The following DCC variants were observed in gnomAD, a reference collection of about 807,000 sequenced individuals.
DCC encodes the protein DCC netrin 1 receptor, also known as netrin receptor DCC.
DCC carries 58 observed loss-of-function variants against 172.5 expected under a neutral mutation model. That is an observed-to-expected ratio of 0.34 (90% CI 0.27 to 0.42). The LOEUF is 0.42. DCC is among the 10% of genes least tolerant of loss of function. DCC has a pLI of 1.00. For missense variants in DCC, 1,740 were observed against 1,791.0 expected (o/e 0.97, Z 0.51); for synonymous variants, 709 against 644.5 (o/e 1.10, Z -1.52).
In DCC at chr18:53,307,826, T is replaced by C. The variant is rs916682783; in HGVS notation, c.2053+2107T>C. ...CCCATTCTGGAAAGCATATGAGAAA[T>C]GTAAACTCTCATATACTGCTTGTGG... On this transcript the variant is annotated intron_variant, in intron 13 of 28. Coordinates refer to ENST00000442544, the MANE Select transcript of DCC (RefSeq NM_005215.4). Among the ~76,000 whole-genome samples, 140 of 146,718 alleles carry C rather than the reference T, an allele frequency of 9.5e-4. 1 individual carries two copies. Among genetic ancestry groups the C allele is most frequent in the African/African-American group, 3.0e-3 (122 of 40,264 alleles).
rs948681500 is a variant in DCC, at chr18:52,452,436, C to T, written c.91+111558C>T. The stretch of plus-strand genomic sequence containing the variant: ...ATCCTATGTTACTCACCCATAAGCA[C>T]ATTTCCATTATCGTCCTTGATATTC... On this transcript the variant is annotated intron_variant, in intron 1 of 28. Coordinates refer to ENST00000442544, the MANE Select transcript of DCC (RefSeq NM_005215.4). Among the ~76,000 whole-genome samples, 6 of 152,216 alleles carry T rather than the reference C, an allele frequency of 3.9e-5. No individual in the cohort carries two copies. In the South Asian group the frequency reaches 1.2e-3, roughly 31 times the overall value.
intron 1 of DCC, among the ~76,000 whole-genome samples, chr18:52,601,997 A>T (rs775626260): frequency 6.6e-6 from 1 of 152,026 alleles, no homozygotes; most frequent in African/African-American, 2.4e-5. Flanking sequence ...CTGACTTGGG[A>T]TCAGTAATCA....
chr18:52,612,856 G>C (rs1358058922), intron 1 of DCC, among the ~76,000 whole-genome samples: 1 of 152,166 alleles, frequency 6.6e-6, no homozygotes, highest in Non-Finnish European at 1.5e-5. Flanking sequence ...TGGTTGACCA[G>C]CTGATGACTG....
intron 17 of DCC, among the ~76,000 whole-genome samples, chr18:53,392,421 A>G (rs1167183503): frequency 1.3e-5 from 2 of 152,038 alleles, no homozygotes; most frequent in Non-Finnish European, 2.9e-5. Flanking sequence ...AAAACTCACA[A>G]TCCACACTCC....
intron 1 of DCC, among the ~76,000 whole-genome samples, chr18:52,428,230 C>A (rs895402001): frequency 3.0e-4 from 45 of 152,136 alleles, no homozygotes; most frequent in Admixed American, 2.9e-3. Context: ...TCATTGCTGT[C>A]CTGCTTAATG....
At chr18:53,437,318 C>T (rs552342849) in intron 22 of DCC, among the ~76,000 whole-genome samples, 1 of 152,244 alleles carries the variant, frequency 6.6e-6, no homozygotes, top group Non-Finnish European at 1.5e-5. Flanking sequence ...TGGTGGCTCA[C>T]GCCTGTAATC....
At chr18:52,376,962 TTC>T (rs1415593762) in intron 1 of DCC, among the ~76,000 whole-genome samples, 1 of 152,180 alleles carries the variant, frequency 6.6e-6, no homozygotes, top group South Asian at 2.1e-4. Flanking sequence ...AGGTCAGACC[TTC>T]CAGCAGCGGC....
intron 1 of DCC, among the ~76,000 whole-genome samples, chr18:52,540,474 G>T (rs2144700717): frequency 6.6e-6 from 1 of 151,432 alleles, no homozygotes; most frequent in South Asian, 2.1e-4. Context: ...TATTGACATT[G>T]CTTTGTCTTT....
chr18:53,465,845 A>G (rs1814001), intron 24 of DCC, among the ~76,000 whole-genome samples: 68,046 of 151,776 alleles, frequency 0.45, 17,007 homozygotes, highest in Non-Finnish European at 0.58. Context: ...GCTCACTGCA[A>G]TCTCCGCCTC....
At chr18:52,542,465 T>TA (rs960599422) in intron 1 of DCC, among the ~76,000 whole-genome samples, 2 of 151,974 alleles carry the variant, frequency 1.3e-5, no homozygotes, top group African/African-American at 2.4e-5. Context: ...ATTTCTGTTT[T>TA]AAAAAAAACC....
chr18:52,518,531 G>C (rs1017017680), intron 1 of DCC, among the ~76,000 whole-genome samples: 1 of 152,166 alleles, frequency 6.6e-6, no homozygotes, highest in Non-Finnish European at 1.5e-5. Context: ...GGTAGTCATA[G>C]AATAACACTG....
intron 1 of DCC, among the ~76,000 whole-genome samples, chr18:52,604,909 C>T (rs2034100663): frequency 6.6e-6 from 1 of 152,052 alleles, no homozygotes; most frequent in African/African-American, 2.4e-5. Flanking sequence ...AGTTGGTATG[C>T]TTCAAAGTGA....
intron 5 of DCC, among the ~76,000 whole-genome samples, chr18:52,989,169 A>AGTTT (rs1341415634): frequency 4.6e-5 from 7 of 152,146 alleles, no homozygotes; most frequent in Non-Finnish European, 4.4e-5. Flanking sequence ...TTCAGATTAT[A>AGTTT]GTTTTTTAAT....
At chr18:52,787,471 A>G (rs920735788) in intron 2 of DCC, among the ~76,000 whole-genome samples, 20 of 152,254 alleles carry the variant, frequency 1.3e-4, no homozygotes, top group African/African-American at 3.8e-4. Flanking sequence ...CAATAATTTT[A>G]CCCTTAATTA....
intron 1 of DCC, among the ~76,000 whole-genome samples, chr18:52,638,917 T>C (rs12967078): frequency 0.38 from 58,266 of 151,914 alleles, 11,758 homozygotes; most frequent in Middle Eastern, 0.55. Context: ...TATTTAACAA[T>C]GCATGGAACT....
intron 1 of DCC, among the ~76,000 whole-genome samples, chr18:52,542,989 A>G (rs969697285): frequency 6.6e-6 from 1 of 152,248 alleles, no homozygotes; most frequent in Non-Finnish European, 1.5e-5. Context: ...CTTTAGTTCC[A>G]TGAATTCAAA....
At chr18:52,427,840 C>A (rs1987488739) in intron 1 of DCC, among the ~76,000 whole-genome samples, 1 of 52,402 alleles carries the variant, frequency 1.9e-5, no homozygotes, top group African/African-American at 5.4e-5. Context: ...TCCTTTCTTC[C>A]TTCCTTCCTT....
At chr18:53,419,784 A>T (rs1389416724) in intron 21 of DCC, among the ~76,000 whole-genome samples, 1 of 152,052 alleles carries the variant, frequency 6.6e-6, no homozygotes, top group East Asian at 1.9e-4. Context: ...TAGTAAGTAG[A>T]AAGGCCATAA....
intron 1 of DCC, among the ~76,000 whole-genome samples, chr18:52,751,716 T>G (rs1286964545): frequency 6.6e-6 from 1 of 152,198 alleles, no homozygotes; most frequent in African/African-American, 2.4e-5. Flanking sequence ...ATTGCTACTT[T>G]AAAATATCTA....
Sources: allele counts gnomAD v4.1 joint callset (sites outside exome capture counted in the v4.1 genomes callset), GRCh38; gene constraint gnomAD v4.1.1; transcripts MANE v1.5; gene names NCBI Gene and HGNC (gene_info 2026-07-23, HGNC 2026-07-21).